The following DMRT1 variants were observed in gnomAD, a reference collection of about 807,000 sequenced individuals.
DMRT1 encodes doublesex- and mab-3-related transcription factor 1.
In DMRT1, 7 loss-of-function variants were observed where a neutral mutation model predicts 32.3. The observed-to-expected ratio is 0.22, with a 90% CI of 0.12 to 0.41. The LOEUF (loss-of-function observed/expected upper bound fraction) is 0.41, where lower values mean the gene tolerates loss of function less well. Among genes scored for constraint, DMRT1 ranks in the 10% least tolerant of loss-of-function variants. The pLI is 1.00. For missense variants in DMRT1, 625 were observed against 500.5 expected (o/e 1.25, Z -2.37); for synonymous variants, 278 against 206.1 (o/e 1.35, Z -2.99).
chr9:914,052 A>G (rs909905464), intron 3 of DMRT1, among the ~76,000 whole-genome samples: 2 of 152,138 alleles, frequency 1.3e-5, no homozygotes, highest in African/African-American at 2.4e-5. Flanking sequence ...CCCCCTGGCC[A>G]TTCATATGCG....
chr9:884,663 T>G (rs752436796), intron 2 of DMRT1, among the ~76,000 whole-genome samples: 1 of 152,186 alleles, frequency 6.6e-6, no homozygotes, highest in South Asian at 2.1e-4. Context: ...TAGGAGTATA[T>G]ACCAATGGTA....
At chr9:863,320 A>T (rs1589465054) in intron 2 of DMRT1, among the ~76,000 whole-genome samples, 1 of 19,198 alleles carries the variant, frequency 5.2e-5, no homozygotes, top group African/African-American at 1.9e-4. Context: ...CACGTCTCTT[A>T]AAAAAAAAAA....
chr9:866,922 C>G (rs1816017302), intron 2 of DMRT1, among the ~76,000 whole-genome samples: 1 of 151,984 alleles, frequency 6.6e-6, no homozygotes, highest in African/African-American at 2.4e-5. Flanking sequence ...AATAAGCGGC[C>G]TTATTGGTTT....
chr9:883,003 C>T (rs957661004), intron 2 of DMRT1, among the ~76,000 whole-genome samples: 1 of 151,828 alleles, frequency 6.6e-6, no homozygotes, highest in Non-Finnish European at 1.5e-5. Context: ...AACTCCTGGC[C>T]TCCAGTGATC....
chr9:926,831 G>A (rs910303899), intron 4 of DMRT1, among the ~76,000 whole-genome samples: 2 of 152,186 alleles, frequency 1.3e-5, no homozygotes, highest in African/African-American at 4.8e-5. Context: ...ATCTTCATGG[G>A]ATTCAGGTGT....
At chr9:943,156 C>T (rs144775980) in intron 4 of DMRT1, among the ~76,000 whole-genome samples, 1 of 152,124 alleles carries the variant, frequency 6.6e-6, no homozygotes, top group Non-Finnish European at 1.5e-5. Flanking sequence ...GGAAGAAAAG[C>T]CAACATAAAA....
Position 894,138 on chromosome 9 carries a change from C to T in DMRT1, c.765C>T (p.Asn255=). 6.2e-7 allele frequency: 1 copy of T among 1,614,204 alleles called. No individual in the cohort carries two copies. Among genetic ancestry groups the T allele is most frequent in the Middle Eastern group, 1.7e-4 (1 of 6,022 alleles). Residue 255 remains asparagine (N), a synonymous_variant, in exon 3 of 5, where the codon AAC becomes AAT. Coordinates refer to ENST00000382276, the MANE Select transcript of DMRT1 (RefSeq NM_021951.3). Reference sequence around the variant, plus strand: ...CCCTCGGGGGATCCCCTGTGAAGAACAGCCTTCGGGGCCTCCCCGGACCTT... The same window carrying T: ...CCCTCGGGGGATCCCCTGTGAAGAATAGCCTTCGGGGCCTCCCCGGACCTT... The part of the protein sequence containing the change: ...GNPLGGSPVK[N]SLRGLPGPYV...
chr9:847,282 A>T, intron 2 of DMRT1, 139 bp downstream of exon 2: 1 of 929,204 alleles, frequency 1.1e-6, no homozygotes. Context: ...CTCCCTGTGA[A>T]GGGCTGTTTG....
intron 4 of DMRT1, among the ~76,000 whole-genome samples, chr9:923,579 C>T (rs548013642): frequency 5.9e-5 from 9 of 152,122 alleles, no homozygotes; most frequent in African/African-American, 9.6e-5. Context: ...TTTTTTCCTG[C>T]GAGGGCTGTG....
At chr9:919,421 G>A (rs1333608802) in intron 4 of DMRT1, among the ~76,000 whole-genome samples, 1 of 146,288 alleles carries the variant, frequency 6.8e-6, no homozygotes. Context: ...TGTTGGGCGG[G>A]GGGAGGGGGG....
intron 2 of DMRT1, among the ~76,000 whole-genome samples, chr9:863,319 T>TA (rs34511298): frequency 0.025 from 3,402 of 135,080 alleles, 111 homozygotes; most frequent in African/African-American, 0.076. Context: ...CCACGTCTCT[T>TA]AAAAAAAAAA....
In DMRT1 at chr9:962,246, G is replaced by T. The variant is rs185074560; in HGVS notation, c.968-5739G>T. On this transcript the variant is annotated intron_variant, in intron 4 of 4. Transcript: ENST00000382276. ...GTGCACGCTTGCTCACCTCTGAGAG[G>T]GTTTAGGAAGAGATGTCAGTGGGAG... Among the ~76,000 whole-genome samples, 11 of 152,136 alleles carry T rather than the reference G, an allele frequency of 7.2e-5. No homozygotes were observed. In the East Asian group the frequency reaches 2.1e-3, roughly 29 times the overall value.
intron 4 of DMRT1, among the ~76,000 whole-genome samples, chr9:929,130 C>T (rs1409771785): frequency 6.6e-6 from 1 of 152,174 alleles, no homozygotes; most frequent in Non-Finnish European, 1.5e-5. Flanking sequence ...TGAGCCACCA[C>T]TCCCGGCTTA....
chr9:893,392 T>C (rs1184838010), intron 2 of DMRT1, among the ~76,000 whole-genome samples: 1 of 152,262 alleles, frequency 6.6e-6, no homozygotes, highest in African/African-American at 2.4e-5. Flanking sequence ...TACTGACCTC[T>C]TACACTAGAA....
chr9:915,529 C>G (rs1299123217), intron 3 of DMRT1, among the ~76,000 whole-genome samples: 3 of 152,018 alleles, frequency 2.0e-5, no homozygotes, highest in South Asian at 2.1e-4. Context: ...TGCCTCCTTA[C>G]TGCCTTCCGA....
chr9:935,579 G>T (rs1325186580), intron 4 of DMRT1, among the ~76,000 whole-genome samples: 2 of 152,154 alleles, frequency 1.3e-5, no homozygotes, highest in Non-Finnish European at 2.9e-5. Context: ...TACCAGTCTC[G>T]CAGTGCCTTG....
At chr9:961,859 T>TA (rs1201666484) in intron 4 of DMRT1, among the ~76,000 whole-genome samples, 2 of 152,222 alleles carry the variant, frequency 1.3e-5, no homozygotes, top group African/African-American at 4.8e-5. Flanking sequence ...GAGTAAACAT[T>TA]ACTCCAGTCA....
At chr9:946,546 C>G (rs1443076557) in intron 4 of DMRT1, among the ~76,000 whole-genome samples, 1 of 152,168 alleles carries the variant, frequency 6.6e-6, no homozygotes, top group African/African-American at 2.4e-5. Flanking sequence ...CCGGCATAGT[C>G]CATCTCTGCC....
At chr9:883,074 C>G (rs1024839183) in intron 2 of DMRT1, among the ~76,000 whole-genome samples, 1 of 151,460 alleles carries the variant, frequency 6.6e-6, no homozygotes, top group Admixed American at 6.6e-5. Flanking sequence ...GCCTGCCCAC[C>G]CCACCCTTTT....
Sources: allele counts gnomAD v4.1 joint callset (sites outside exome capture counted in the v4.1 genomes callset), GRCh38; gene constraint gnomAD v4.1.1; transcripts MANE v1.5; gene names NCBI Gene and HGNC (gene_info 2026-07-23, HGNC 2026-07-21).